Variants in ZNF536 observed in about 807,000 individuals in gnomAD.
ZNF536 encodes zinc finger protein 536.
In ZNF536, 13 loss-of-function variants were observed where a neutral mutation model predicts 84.5. The observed-to-expected ratio is 0.15, with a 90% confidence interval of 0.10 to 0.24. ZNF536 has a LOEUF of 0.24. Ranked by LOEUF, ZNF536 falls within the 10% of genes least tolerant of loss-of-function variation. The pLI, the probability that ZNF536 is intolerant of heterozygous loss-of-function variation, is 1.00. For synonymous variants in ZNF536, 811 were observed against 742.5 expected (o/e 1.09, Z -1.50); for missense variants, 1,536 against 1,747.5 (o/e 0.88, Z 2.16).
chr19:30,505,772 T>G (rs987877487), intron 2 of ZNF536, among the ~76,000 whole-genome samples: 20 of 151,918 alleles, frequency 1.3e-4, no homozygotes, highest in African/African-American at 4.6e-4. Context: ...TTCAAGTGAT[T>G]CTCCTGCCTC....
chr19:30,331,802 C>T (rs2146402492), intron 2 of ZNF536, among the ~76,000 whole-genome samples: 1 of 152,270 alleles, frequency 6.6e-6, no homozygotes, highest in South Asian at 2.1e-4. Context: ...CATTGGTGTG[C>T]TCACCCAGGG....
At position 30,358,084 on chromosome 19, in the gene ZNF536, G is replaced by GT. The variant is rs559455532; in HGVS notation, c.-3+5603dup. Reference sequence around the variant, plus strand: ...AGGGTAAAGAGTCTTGGTGCTTATAGTTTAGGCCTCTTTCCCTTGGGCAGT... The same window carrying GT: ...AGGGTAAAGAGTCTTGGTGCTTATAGTTTTAGGCCTCTTTCCCTTGGGCAGT... On this transcript the variant is annotated intron_variant, in intron 3 of 5. Transcript: ENST00000585628. Among the ~76,000 whole-genome samples the GT allele has an allele frequency of 1.9e-3, 290 of 152,242 alleles. 1 individual carries two copies. Among genetic ancestry groups the GT allele is most frequent in the Admixed American group, 4.3e-3 (66 of 15,294 alleles).
chr19:30,328,366 A>G (rs1268044882), intron 2 of ZNF536, among the ~76,000 whole-genome samples: 2 of 152,194 alleles, frequency 1.3e-5, no homozygotes, highest in Non-Finnish European at 2.9e-5. Context: ...TCATGTCCCT[A>G]TCACAGCAAA....
At position 30,444,279 on chromosome 19, in the gene ZNF536, C is replaced by T. The variant is rs1204289475; in HGVS notation, c.717C>T (p.Thr239=). 2 of 1,566,852 alleles carry T rather than the reference C, an allele frequency of 1.3e-6. No homozygotes were observed. Among genetic ancestry groups the T allele is most frequent in the Non-Finnish European group, 1.7e-6 (2 of 1,164,106 alleles). ...HAQQAPLAAC[T]LALQANHSVP... ...AGCAGGCCCCGCTGGCCGCCTGCACCCTGGCCCTGCAGGCTAACCACAGCG... is the reference window on the plus strand; with the variant it reads ...AGCAGGCCCCGCTGGCCGCCTGCACTCTGGCCCTGCAGGCTAACCACAGCG... Residue 239 remains threonine, a synonymous_variant, in exon 2 of 5, where the codon ACC becomes ACT. Transcript: ENST00000355537.
At chr19:30,359,944 G>T (rs934311908) in intron 3 of ZNF536, among the ~76,000 whole-genome samples, 3 of 152,184 alleles carry the variant, frequency 2.0e-5, no homozygotes, top group African/African-American at 7.2e-5. Context: ...GCCACCTGCT[G>T]AGTGAGAGAA....
At chr19:30,700,200 C>CTTTCTTTCTTTCTTTT (rs2051854923) in intron 1 of ZNF536, among the ~76,000 whole-genome samples, 1 of 79,900 alleles carries the variant, frequency 1.3e-5, no homozygotes, top group Non-Finnish European at 2.9e-5. Flanking sequence ...TTCTTTCTTT[C>CTTTCTTTCTTTCTTTT]CTTCTTTCTT....
intron 2 of ZNF536, among the ~76,000 whole-genome samples, chr19:30,491,356 G>T (rs1174386542): frequency 6.6e-6 from 1 of 152,132 alleles, no homozygotes; most frequent in African/African-American, 2.4e-5. Flanking sequence ...GTTCTTCCAA[G>T]TTTGTCTTCC....
chr19:30,426,779 G>A (rs974082996), intron 1 of ZNF536, among the ~76,000 whole-genome samples: 28 of 152,166 alleles, frequency 1.8e-4, no homozygotes, highest in Admixed American at 1.2e-3. Flanking sequence ...AGAGGTGAGC[G>A]TGGGGCCCGG....
intron 2 of ZNF536, among the ~76,000 whole-genome samples, chr19:30,346,502 C>T (rs1219604725): frequency 6.6e-6 from 1 of 152,160 alleles, no homozygotes; most frequent in Admixed American, 6.5e-5. Flanking sequence ...ACCCTCCACC[C>T]TCTGAGAGGC....
chr19:30,414,545 T>C (rs2050632050), intron 1 of ZNF536, among the ~76,000 whole-genome samples: 1 of 152,218 alleles, frequency 6.6e-6, no homozygotes, highest in Admixed American at 6.5e-5. Flanking sequence ...GCTTAATTTC[T>C]GACACATTTT....
exon 2 of ZNF536, chr19:30,712,108 G>C (rs925033245): frequency 1.3e-5 from 2 of 152,018 alleles, no homozygotes; most frequent in Admixed American, 6.5e-5. Flanking sequence ...AACTGTTTGA[G>C]TTAAAAATGT....
chr19:30,675,851 T>A (rs139267267), intron 1 of ZNF536, among the ~76,000 whole-genome samples: 93 of 152,224 alleles, frequency 6.1e-4, no homozygotes, highest in Middle Eastern at 3.4e-3. Context: ...GGAAATGCAC[T>A]CTTGCTTTTT....
intron 2 of ZNF536, among the ~76,000 whole-genome samples, chr19:30,330,074 G>T (rs993350730): frequency 2.2e-4 from 34 of 152,000 alleles, no homozygotes; most frequent in Non-Finnish European, 1.6e-4. Flanking sequence ...ATACTACTTT[G>T]GTCCTATGAT....
At chr19:30,409,014 C>T (rs1169396453) in intron 1 of ZNF536, among the ~76,000 whole-genome samples, 2 of 151,372 alleles carry the variant, frequency 1.3e-5, no homozygotes, top group Non-Finnish European at 2.9e-5. Context: ...GTCCATCCAT[C>T]CATCCATCCA....
chr19:30,400,601 G>T (rs1013737036), intron 1 of ZNF536, among the ~76,000 whole-genome samples: 1 of 151,976 alleles, frequency 6.6e-6, no homozygotes, highest in Non-Finnish European at 1.5e-5. Context: ...TCACTTTGTC[G>T]CCCAGGCTGC....
At chr19:30,458,804 C>T (rs770362422) in intron 2 of ZNF536, among the ~76,000 whole-genome samples, 2 of 152,112 alleles carry the variant, frequency 1.3e-5, no homozygotes, top group Non-Finnish European at 2.9e-5. Context: ...TCTGAGGGAC[C>T]CATGTGCCTG....
At chr19:30,712,198 G>A (rs2052473603) in exon 2 of ZNF536, 1 of 152,060 alleles carries the variant, frequency 6.6e-6, no homozygotes. Context: ...AATTTATCAA[G>A]TTCTGCACCA....
chr19:30,334,468 G>A (rs1322899910), intron 2 of ZNF536, among the ~76,000 whole-genome samples: 2 of 152,106 alleles, frequency 1.3e-5, no homozygotes, highest in Non-Finnish European at 2.9e-5. Context: ...CAGAATCTTG[G>A]CTAAGATTGG....
intron 1 of ZNF536, among the ~76,000 whole-genome samples, chr19:30,398,780 T>G (rs1377508083): frequency 1.3e-5 from 2 of 152,214 alleles, no homozygotes. Context: ...TATTCCATGG[T>G]GTATATGTGC....
Sources: gnomAD v4.1 joint callset for allele counts (sites outside exome capture counted in the v4.1 genomes callset) on GRCh38, gnomAD v4.1.1 for gene constraint, MANE v1.5 for transcripts, NCBI Gene and HGNC (gene_info 2026-07-23, HGNC 2026-07-21) for gene names.